Variants in ASIC5 observed in about 807,000 individuals in gnomAD.
The protein encoded by ASIC5 is bile acid-sensitive ion channel.
A neutral mutation model predicts 51.2 loss-of-function variants in ASIC5; 52 were observed. That is an observed-to-expected ratio of 1.02 (90% confidence interval 0.81 to 1.28). The LOEUF (loss-of-function observed/expected upper bound fraction) is 1.28, where lower values mean the gene tolerates loss of function less well. Ranked by LOEUF, ASIC5 falls within the 50% of genes most tolerant of loss-of-function variation. The pLI, the probability that ASIC5 is intolerant of heterozygous loss-of-function variation, is 0.00. For synonymous variants in ASIC5, 231 were observed against 200.7 expected (o/e 1.15, Z -1.28); for missense variants, 635 against 595.0 (o/e 1.07, Z -0.70).
chr4:155,853,807 A>C (rs1486190198), intron 3 of ASIC5, among the ~76,000 whole-genome samples: 2 of 151,788 alleles, frequency 1.3e-5, no homozygotes, highest in African/African-American at 4.8e-5. Context: ...TCTTGTGTTA[A>C]ATTGTTTTTC....
chr4:155,856,172 A>T (rs1490449383), intron 2 of ASIC5, among the ~76,000 whole-genome samples: 1 of 151,902 alleles, frequency 6.6e-6, no homozygotes, highest in Non-Finnish European at 1.5e-5. Context: ...TCCGGTTGGG[A>T]TGTTGGGCTT....
chr4:155,863,184 A>G (rs1357156579), intron 2 of ASIC5, among the ~76,000 whole-genome samples: 2 of 152,050 alleles, frequency 1.3e-5, no homozygotes, highest in East Asian at 1.9e-4. Flanking sequence ...TCTCTTTTAC[A>G]TCTATTTAAT....
intron 2 of ASIC5, among the ~76,000 whole-genome samples, chr4:155,855,582 G>A (rs1169968253): frequency 3.3e-5 from 5 of 151,606 alleles, no homozygotes; most frequent in African/African-American, 1.2e-4. Context: ...GCATAGAACG[G>A]AATGCATATT....
At chr4:155,858,413 A>C (rs1741602580) in intron 2 of ASIC5, among the ~76,000 whole-genome samples, 1 of 152,130 alleles carries the variant, frequency 6.6e-6, no homozygotes, top group Non-Finnish European at 1.5e-5. Context: ...ACATCAATAC[A>C]TGGATAAAGT....
At position 155,866,169 on chromosome 4, in the gene ASIC5, A is replaced by T. The variant is rs781566541; in HGVS notation, c.40+18T>A. ...AATGAAAAATATTACTGCTCTGAGG[A>T]GTTCACTCTTTACTCACCGTTCTCA... On this transcript the variant is annotated intron_variant, in intron 1 of 9. Transcript: ENST00000537611. 6.5e-7 allele frequency: 1 copy of T among 1,527,562 alleles called. No individual in the cohort carries two copies. Among genetic ancestry groups the T allele is most frequent in the Non-Finnish European group, 9.1e-7 (1 of 1,103,732 alleles). The allele number at this position is 1,527,562 out of a possible 1,614,324, so 94.6% of individuals were successfully genotyped here.
In ASIC5 at chr4:155,831,718, A is replaced by G. The variant is rs146631900; in HGVS notation, c.1327+106T>C. ...CCCCCTGGGAAGCGGAGCTTGCAGT[A>G]AGCCAAGATGGCGCCACTGCACTCC... On this transcript the variant is annotated intron_variant, in intron 9 of 9. Transcript: ENST00000537611. 2.6e-3 allele frequency: 1,654 copies of G among 642,786 alleles called. 18 individuals carry two copies. The African/African-American group carries it at 0.029, about 11-fold the overall frequency. 39.8% of individuals were successfully genotyped at this position (642,786 alleles called of 1,614,324 possible). A position where few individuals can be genotyped will look rare whatever the true frequency, so the allele number is the denominator to read the frequency against.
At chr4:155,846,502 G>T (rs1375269769) in intron 4 of ASIC5, among the ~76,000 whole-genome samples, 4 of 152,082 alleles carry the variant, frequency 2.6e-5, no homozygotes, top group Non-Finnish European at 5.9e-5. Flanking sequence ...TTTGGGAAAG[G>T]ACTGCTATTG....
At chr4:155,858,794 G>C (rs545990557) in intron 2 of ASIC5, 1 of 152,194 alleles carries the variant, frequency 6.6e-6, no homozygotes, top group East Asian at 1.9e-4. Context: ...GTGGGTAGTA[G>C]AATAGTCAAC....
chr4:155,834,674 C>G (rs998556049), intron 8 of ASIC5, among the ~76,000 whole-genome samples: 2 of 152,132 alleles, frequency 1.3e-5, no homozygotes, highest in Non-Finnish European at 2.9e-5. Context: ...AAGGCCCACC[C>G]TCAGACCTGG....
intron 2 of ASIC5, among the ~76,000 whole-genome samples, chr4:155,856,485 A>G (rs1903228): frequency 0.99 from 150,389 of 152,208 alleles, 74,306 homozygotes; most frequent in East Asian, 1. Context: ...TTGCTTAACT[A>G]GCTCTGATAC....
chr4:155,851,205 C>A (rs868461698), intron 4 of ASIC5, among the ~76,000 whole-genome samples: 1 of 151,866 alleles, frequency 6.6e-6, no homozygotes, highest in African/African-American at 2.4e-5. Context: ...TCGAACTGAC[C>A]ATAGGGCTAA....
intron 4 of ASIC5, among the ~76,000 whole-genome samples, chr4:155,844,104 T>C (rs1444312418): frequency 2.0e-5 from 3 of 152,182 alleles, no homozygotes; most frequent in South Asian, 2.1e-4. Context: ...TTTTTCTTGA[T>C]TGATGTCTGG....
intron 7 of ASIC5, 124 bp downstream of exon 7, chr4:155,838,689 G>T (rs549491697): frequency 4.0e-5 from 21 of 530,134 alleles, no homozygotes; most frequent in Middle Eastern, 4.6e-4. Context: ...CTTACAAAAA[G>T]ATCTTCTCTT....
At chr4:155,838,998 A>G in intron 6 of ASIC5, 129 bp from the exon 7 acceptor site, 1 of 582,434 alleles carries the variant, frequency 1.7e-6, no homozygotes, top group South Asian at 2.4e-5. Context: ...CTATATGAAC[A>G]TCTATTCTTT....
At chr4:155,858,280 G>A (rs1266579303) in intron 2 of ASIC5, among the ~76,000 whole-genome samples, 1 of 151,966 alleles carries the variant, frequency 6.6e-6, no homozygotes, top group Non-Finnish European at 1.5e-5. Context: ...TGTATTCTTA[G>A]GAGTTTGTCT....
At chr4:155,849,982 CTT>C (rs1404777675) in intron 4 of ASIC5, among the ~76,000 whole-genome samples, 1 of 151,882 alleles carries the variant, frequency 6.6e-6, no homozygotes, top group Non-Finnish European at 1.5e-5. Context: ...GAACATGAGA[CTT>C]TGCAATCTGC....
chr4:155,859,158 T>C (rs1741627514), intron 2 of ASIC5, among the ~76,000 whole-genome samples: 1 of 152,056 alleles, frequency 6.6e-6, no homozygotes, highest in Non-Finnish European at 1.5e-5. Context: ...ACTTTTCCCT[T>C]TGGCATCGTG....
At chr4:155,853,224 G>A (rs1468576551) in intron 3 of ASIC5, among the ~76,000 whole-genome samples, 2 of 152,022 alleles carry the variant, frequency 1.3e-5, no homozygotes, top group Non-Finnish European at 2.9e-5. Flanking sequence ...TACTTTCCAA[G>A]TTAAGAGTTT....
rs764956746 is a variant in ASIC5 at position 155,840,096 on chromosome 4, G to A, written c.1010-1227C>T. Reference sequence around the variant, plus strand: ...TGATATATATGCTAAAGTTCATGCAGATATCATTCTTTGTGTTTTATATAG... The same window carrying A: ...TGATATATATGCTAAAGTTCATGCAAATATCATTCTTTGTGTTTTATATAG... On this transcript the variant is annotated intron_variant, in intron 6 of 9. Coordinates refer to ENST00000537611, the MANE Select transcript of ASIC5 (RefSeq NM_017419.3). Among the ~76,000 whole-genome samples the A allele has an allele frequency of 9.9e-5, 15 of 152,260 alleles. 1 individual carries two copies. The highest frequency in any genetic ancestry group is 1.9e-4 in the Non-Finnish European group (13 of 68,012).
Sources: allele counts gnomAD v4.1 joint callset (sites outside exome capture counted in the v4.1 genomes callset), GRCh38; gene constraint gnomAD v4.1.1; transcripts MANE v1.5; gene names NCBI Gene and HGNC (gene_info 2026-07-23, HGNC 2026-07-21).